The following ARHGAP22 variants were observed in gnomAD, a reference collection of about 807,000 sequenced individuals.
ARHGAP22 encodes rho GTPase-activating protein 22.
Under a neutral mutation model 59.1 loss-of-function variants are expected in ARHGAP22, and 48 were observed. The observed-to-expected ratio is 0.81, with a 90% confidence interval of 0.64 to 1.03. The LOEUF (loss-of-function observed/expected upper bound fraction) is 1.03. ARHGAP22 is among the 50% of genes least tolerant of loss of function. ARHGAP22 has a pLI of 0.00. For synonymous variants in ARHGAP22, 445 were observed against 416.4 expected (o/e 1.07, Z -0.84); for missense variants, 1,015 against 958.7 (o/e 1.06, Z -0.78).
At position 48,479,636 on chromosome 10, in the gene ARHGAP22, C is replaced by G; in HGVS notation, c.451G>C (p.Gly151Arg). 1.2e-6 allele frequency: 2 copies of G among 1,613,866 alleles called. No individual in the cohort carries two copies. Among genetic ancestry groups the G allele is most frequent in the Non-Finnish European group, 8.5e-7 (1 of 1,179,976 alleles). The change falls in exon 4 of 10, where the codon GGG (glycine) becomes CGG (arginine). Residue 151 changes from glycine to arginine, a missense_variant and splice_region_variant. Physicochemically the swap from Gly to Arg is moderately radical, Grantham distance 125 (BLOSUM62 -2). Coordinates refer to ENST00000249601, the MANE Select transcript of ARHGAP22 (RefSeq NM_021226.4). ...TGGGCATGCGATCTACGGGCAGTAC[C>G]TCCGCCCAGCGGGGCCCAGATGACT... ...RRVIWAPLGG[G>R]IFGQRLEETV...
At chr10:48,600,204 C>T (rs1212185570) in intron 1 of ARHGAP22, among the ~76,000 whole-genome samples, 2 of 152,226 alleles carry the variant, frequency 1.3e-5, no homozygotes, top group Non-Finnish European at 2.9e-5. Context: ...TCTCACTTTC[C>T]TTCCTTCCTT....
At chr10:48,486,528 C>T (rs373907219) in intron 3 of ARHGAP22, among the ~76,000 whole-genome samples, 5 of 152,108 alleles carry the variant, frequency 3.3e-5, no homozygotes, top group Admixed American at 6.6e-5. Context: ...TTAGTAGAGA[C>T]GGGGTTTCAC....
chr10:48,441,867 A>G (rs546340632), downstream of ARHGAP22, among the ~76,000 whole-genome samples: 15 of 152,204 alleles, frequency 9.9e-5, no homozygotes, highest in Non-Finnish European at 1.8e-4. Context: ...ACAAGTGTCA[A>G]TCTGGCTGAG....
At chr10:48,497,548 C>T (rs191144547) in intron 3 of ARHGAP22, among the ~76,000 whole-genome samples, 15 of 152,144 alleles carry the variant, frequency 9.9e-5, no homozygotes, top group Admixed American at 2.0e-4. Flanking sequence ...TGTAAGGGGT[C>T]GGCTGTTTGA....
At chr10:48,642,093 C>G (rs540671136) in intron 1 of ARHGAP22, among the ~76,000 whole-genome samples, 3 of 152,248 alleles carry the variant, frequency 2.0e-5, no homozygotes, top group Admixed American at 6.5e-5. Flanking sequence ...AAAGAGAACA[C>G]AAACAAATGG....
rs11386532 is a variant in ARHGAP22 at position 48,650,146 on chromosome 10, C to CTTTTTT, written c.52+2082_52+2087dup. ...GCCCCCTCCCCCTGTGCTGGAGACTCTTTTTTTTTTTTTTTTTTTTTTCTG... is the reference window on the plus strand; with the variant it reads ...GCCCCCTCCCCCTGTGCTGGAGACTCTTTTTTTTTTTTTTTTTTTTTTTTTTTTCTG... On this transcript the variant is annotated intron_variant, in intron 1 of 9. Coordinates refer to the ARHGAP22 transcript ENST00000435790. Among the ~76,000 whole-genome samples, 5 of 82,058 alleles carry CTTTTTT rather than the reference C, an allele frequency of 6.1e-5. 1 individual carries two copies. Among genetic ancestry groups the CTTTTTT allele is most frequent in the Non-Finnish European group, 6.8e-5 (3 of 44,444 alleles). The allele number at this position is 82,058 out of a possible 152,430, so 53.8% of individuals were successfully genotyped here. A position where few individuals can be genotyped will look rare whatever the true frequency, so the allele number is the denominator to read the frequency against.
chr10:48,481,327 C>A (rs142600525), intron 3 of ARHGAP22, among the ~76,000 whole-genome samples: 1 of 151,964 alleles, frequency 6.6e-6, no homozygotes, highest in Non-Finnish European at 1.5e-5. Flanking sequence ...GCTGAGTGTG[C>A]GAGATAGGGA....
chr10:48,551,835 A>G (rs1353643558), intron 3 of ARHGAP22, among the ~76,000 whole-genome samples: 2 of 152,252 alleles, frequency 1.3e-5, no homozygotes, highest in African/African-American at 4.8e-5. Flanking sequence ...CTCCCAGCCC[A>G]GATGGGAACA....
chr10:48,582,723 C>T (rs1333937330), intron 2 of ARHGAP22: 1 of 584,992 alleles, frequency 1.7e-6, no homozygotes, highest in East Asian at 2.9e-5. Flanking sequence ...TCTCTATCAA[C>T]ATTTTAAGGA....
intron 1 of ARHGAP22, among the ~76,000 whole-genome samples, chr10:48,584,826 C>G (rs988431718): frequency 6.6e-6 from 1 of 152,094 alleles, no homozygotes; most frequent in African/African-American, 2.4e-5. Flanking sequence ...AACCCTGTCT[C>G]TACTAAAAAT....
chr10:48,577,450 G>A (rs2058791021), intron 2 of ARHGAP22, among the ~76,000 whole-genome samples: 1 of 152,154 alleles, frequency 6.6e-6, no homozygotes, highest in Non-Finnish European at 1.5e-5. Context: ...GATGGGGAGG[G>A]CATACACAGG....
intron 3 of ARHGAP22, among the ~76,000 whole-genome samples, chr10:48,520,460 G>A (rs952665990): frequency 3.9e-5 from 6 of 152,188 alleles, no homozygotes; most frequent in Admixed American, 1.3e-4. Flanking sequence ...CAGTGCAGAT[G>A]ATCTCCTTCA....
chr10:48,608,444 C>T (rs976717579), upstream of ARHGAP22, among the ~76,000 whole-genome samples: 5 of 152,076 alleles, frequency 3.3e-5, no homozygotes, highest in South Asian at 2.1e-4. Flanking sequence ...TGCACAAAGG[C>T]GACATATAGA....
At chr10:48,568,338 G>T (rs1277922457) in intron 2 of ARHGAP22, among the ~76,000 whole-genome samples, 2 of 152,246 alleles carry the variant, frequency 1.3e-5, no homozygotes, top group Admixed American at 1.3e-4. Context: ...GTCCTGGGCA[G>T]CATGAGATCC....
intron 9 of ARHGAP22, 152 bp downstream of exon 9, chr10:48,450,109 T>C (rs1434161565): frequency 4.2e-6 from 5 of 1,200,388 alleles, no homozygotes; most frequent in Non-Finnish European, 5.7e-6. Context: ...CTGCCAGTCC[T>C]AGGGCTTTCC....
Position 48,455,237 on chromosome 10 carries a change from G to A in ARHGAP22, c.660-103C>T. On this transcript the variant is annotated intron_variant, in intron 5 of 9. Transcript: ENST00000249601. Reference sequence around the variant, plus strand: ...CAAGGGGCAGCCTCTGGTCTCAGGTGCATTCTTGGGCGCACTGGGGGCTGC... The same window carrying A: ...CAAGGGGCAGCCTCTGGTCTCAGGTACATTCTTGGGCGCACTGGGGGCTGC... 12 of 1,335,306 alleles carry A rather than the reference G, an allele frequency of 9.0e-6. No homozygotes were observed. The South Asian group carries it at 1.9e-4, about 21-fold the overall frequency. 82.7% of individuals were successfully genotyped at this position (1,335,306 alleles called of 1,614,324 possible).
At chr10:48,621,221 C>T (rs1163649993) in intron 1 of ARHGAP22, among the ~76,000 whole-genome samples, 10 of 147,822 alleles carry the variant, frequency 6.8e-5, no homozygotes, top group African/African-American at 2.4e-4. Context: ...TCCATTACAG[C>T]TTTATATTTC....
intron 2 of ARHGAP22, among the ~76,000 whole-genome samples, chr10:48,555,819 G>A (rs554556802): frequency 1.3e-5 from 2 of 152,292 alleles, no homozygotes; most frequent in South Asian, 4.2e-4. Flanking sequence ...GGAGCAGGGA[G>A]GGAGGCTCCC....
chr10:48,535,583 G>A (rs557317796), intron 3 of ARHGAP22, among the ~76,000 whole-genome samples: 119 of 152,342 alleles, frequency 7.8e-4, no homozygotes, highest in African/African-American at 2.8e-3. Context: ...GGGAGGATGG[G>A]AGGCGGAGTC....
Sources: allele counts gnomAD v4.1 joint callset (sites outside exome capture counted in the v4.1 genomes callset), GRCh38; gene constraint gnomAD v4.1.1; transcripts MANE v1.5; gene names NCBI Gene and HGNC (gene_info 2026-07-23, HGNC 2026-07-21).